CRIM1: variants seen among roughly 807,000 people sequenced by gnomAD.
The protein encoded by CRIM1 is cysteine rich transmembrane BMP regulator 1, also known as cysteine-rich motor neuron 1 protein.
A neutral mutation model predicts 116.4 loss-of-function variants in CRIM1; 32 were observed. That is an observed-to-expected ratio of 0.27 (90% confidence interval 0.21 to 0.37). The LOEUF is 0.37. Ranked by LOEUF, CRIM1 falls within the 10% of genes least tolerant of loss-of-function variation. The probability of loss-of-function intolerance (pLI) is 1.00; values close to 1 mark genes in which losing one functional copy is unlikely to be tolerated. For missense variants in CRIM1, 1,331 were observed against 1,354.8 expected (o/e 0.98, Z 0.28); for synonymous variants, 590 against 509.2 (o/e 1.16, Z -2.13).
chr2:36,426,015 G>A (rs1417136084), intron 2 of CRIM1, among the ~76,000 whole-genome samples: 1 of 152,210 alleles, frequency 6.6e-6, no homozygotes, highest in African/African-American at 2.4e-5. Flanking sequence ...CACATATGTA[G>A]GAAGTCATGA....
intron 7 of CRIM1, among the ~76,000 whole-genome samples, chr2:36,494,356 T>C (rs1001137218): frequency 2.0e-5 from 3 of 152,208 alleles, no homozygotes; most frequent in South Asian, 2.1e-4. Flanking sequence ...GAAATAATTT[T>C]ACTGACAAGA....
chr2:36,431,693 G>A (rs765647155), intron 2 of CRIM1, among the ~76,000 whole-genome samples: 1 of 152,082 alleles, frequency 6.6e-6, no homozygotes, highest in Admixed American at 6.6e-5. Context: ...AGCGTTTGTC[G>A]GTCTTCCTTG....
intron 8 of CRIM1, among the ~76,000 whole-genome samples, chr2:36,503,100 C>G (rs1214958364): frequency 3.3e-5 from 5 of 152,314 alleles, no homozygotes; most frequent in African/African-American, 9.6e-5. Flanking sequence ...TATTTGGCAA[C>G]TTTGGAAGCC....
chr2:36,425,538 A>G (rs1674384971), intron 2 of CRIM1, among the ~76,000 whole-genome samples: 1 of 152,232 alleles, frequency 6.6e-6, no homozygotes, highest in Non-Finnish European at 1.5e-5. Context: ...TCCAATATAG[A>G]ATCATTGTCT....
intron 13 of CRIM1, among the ~76,000 whole-genome samples, chr2:36,532,481 C>T (rs1666183934): frequency 6.6e-6 from 1 of 152,172 alleles, no homozygotes; most frequent in Non-Finnish European, 1.5e-5. Flanking sequence ...TTGGTTATCT[C>T]CACTCCTTGA....
chr2:36,390,972 G>T (rs1446719166), intron 1 of CRIM1, among the ~76,000 whole-genome samples: 1 of 151,604 alleles, frequency 6.6e-6, no homozygotes, highest in Non-Finnish European at 1.5e-5. Flanking sequence ...ACCATACCCG[G>T]CTAATTTTTG....
Position 36,416,784 on chromosome 2 carries a change from A to G in CRIM1, c.505+19997A>G, listed in dbSNP as rs1425597905. ...GACAGAAATTATTAGCCATATCCAG[A>G]CCAGTAGCTGACTGGCTCCAATTCT... On this transcript the variant is annotated intron_variant, in intron 2 of 16. Transcript: ENST00000280527. Among the ~76,000 whole-genome samples, 4 of 152,302 alleles carry G rather than the reference A, an allele frequency of 2.6e-5. No homozygotes were observed. In the East Asian group the frequency reaches 7.7e-4, roughly 29 times the overall value.
chr2:36,368,379 A>T (rs1022019139), intron 1 of CRIM1, among the ~76,000 whole-genome samples: 1 of 152,196 alleles, frequency 6.6e-6, no homozygotes, highest in Non-Finnish European at 1.5e-5. Context: ...TTCAAGTACA[A>T]GCCAACTGCG....
At position 36,473,497 on chromosome 2, in the gene CRIM1, A is replaced by T. The variant is rs1572820077; in HGVS notation, c.992-3392A>T. Among the ~76,000 whole-genome samples, 5 of 152,284 alleles carry T rather than the reference A, an allele frequency of 3.3e-5. No individual in the cohort carries two copies. The South Asian group carries it at 1.0e-3, about 32-fold the overall frequency. ...TCATCAAGCCATCAGAAAACTCCTG[A>T]ACTGATTGCAGTCACTGCCCATTTT... On this transcript the variant is annotated intron_variant, in intron 5 of 16. Transcript: ENST00000280527.
intron 4 of CRIM1, among the ~76,000 whole-genome samples, chr2:36,463,492 C>T (rs1336770364): frequency 1.3e-5 from 2 of 152,088 alleles, no homozygotes; most frequent in African/African-American, 4.8e-5. Flanking sequence ...AGGATGTCTT[C>T]CTTTTACTCC....
Position 36,549,651 on chromosome 2 carries a change from A to ATTCT in CRIM1, c.*953_*956dup, listed in dbSNP as rs1463567815. On this transcript the variant is annotated 3_prime_UTR_variant, in exon 17 of 17. Coordinates refer to ENST00000280527, the MANE Select transcript of CRIM1 (RefSeq NM_016441.3). ...CTTTTTTTAAAAAGACTGTTTGGGG[A>ATTCT]TTCTTTTTCCTTATTATATACTGAT... 1 of 152,240 alleles carries ATTCT rather than the reference A, an allele frequency of 6.6e-6. No homozygotes were observed. The highest frequency in any genetic ancestry group is 1.9e-4 in the East Asian group (1 of 5,186). 9.4% of individuals were successfully genotyped at this position (152,240 alleles called of 1,614,324 possible).
chr2:36,539,661 G>A (rs776807864), intron 14 of CRIM1, among the ~76,000 whole-genome samples: 1 of 152,164 alleles, frequency 6.6e-6, no homozygotes, highest in Admixed American at 6.5e-5. Flanking sequence ...GGTGGTAGCC[G>A]TGGAGGTGGG....
chr2:36,526,363 G>A (rs1272964457), intron 13 of CRIM1, among the ~76,000 whole-genome samples: 2 of 152,170 alleles, frequency 1.3e-5, no homozygotes, highest in Non-Finnish European at 1.5e-5. Context: ...TTCATATGTG[G>A]TTCCTTGTAA....
At chr2:36,546,244 G>T (rs1045962945) in intron 15 of CRIM1, among the ~76,000 whole-genome samples, 6 of 152,118 alleles carry the variant, frequency 3.9e-5, no homozygotes, top group African/African-American at 1.4e-4. Flanking sequence ...AAACTTTAGG[G>T]AGTGCCCCCT....
intron 4 of CRIM1, among the ~76,000 whole-genome samples, chr2:36,449,325 G>A (rs1483472015): frequency 6.6e-6 from 1 of 152,106 alleles, no homozygotes; most frequent in Admixed American, 6.5e-5. Context: ...ACTTACCACT[G>A]AGCTGCACTG....
At chr2:36,486,577 C>T (rs569855683) in intron 7 of CRIM1, among the ~76,000 whole-genome samples, 82 of 152,286 alleles carry the variant, frequency 5.4e-4, no homozygotes, top group Non-Finnish European at 1.1e-3. Flanking sequence ...CCTGAGTTTA[C>T]AGAGCTCAGC....
At chr2:36,500,489 T>A (rs1680908275) in intron 8 of CRIM1, among the ~76,000 whole-genome samples, 1 of 152,212 alleles carries the variant, frequency 6.6e-6, no homozygotes, top group Non-Finnish European at 1.5e-5. Context: ...GTTAGGTGGT[T>A]CTCATCTGTT....
Position 36,356,299 on chromosome 2 carries a change from T to G in CRIM1, c.7T>G (p.Leu3Val), listed in dbSNP as rs1668788483. 6.5e-7 allele frequency: 1 copy of G among 1,526,914 alleles called. No homozygotes were observed. Among genetic ancestry groups the G allele is most frequent in the African/African-American group, 1.4e-5 (1 of 71,630 alleles). 94.6% of individuals were successfully genotyped at this position (1,526,914 alleles called of 1,614,324 possible). A position where few individuals can be genotyped will look rare whatever the true frequency, so the allele number is the denominator to read the frequency against. The change falls in exon 1 of 17, where the codon TTG becomes GTG. Residue 3 changes from leucine to valine, a missense_variant. Physicochemically the swap from Leu to Val is conservative, Grantham distance 32. Around this residue, in one of 3 missense-constraint regions of CRIM1, gnomAD observed 690 missense variants for 676.0 expected, o/e 1.02. Coordinates refer to ENST00000280527, the MANE Select transcript of CRIM1 (RefSeq NM_016441.3). The surrounding 1 kb of genome is among the most constrained non-coding windows in gnomAD (Gnocchi z 4.3). ...GCGGCGGCGGCGCAGGAGGATGTAC[T>G]TGGTGGCGGGGGACAGGGGGTTGGC... MY[L>V]VAGDRGLAGC... is the part of the protein sequence containing the mutation.
rs142237085 is a variant in CRIM1, at chr2:36,528,202, T to TA, written c.2428+5892dup. 2.4e-3 allele frequency among the ~76,000 whole-genome samples: 365 copies of TA among 152,360 alleles called. 2 individuals are homozygous for TA. Among genetic ancestry groups the TA allele is most frequent in the African/African-American group, 8.5e-3 (352 of 41,594 alleles). On this transcript the variant is annotated intron_variant, in intron 13 of 16. Transcript: ENST00000280527. ...CAAATAGATTCTAGTGTCTCACTGTTAAATGTAGCGTCTGGCTTTCTACAA... is the reference window on the plus strand; with the variant it reads ...CAAATAGATTCTAGTGTCTCACTGTTAAAATGTAGCGTCTGGCTTTCTACAA...
Sources: allele counts gnomAD v4.1 joint callset (sites outside exome capture counted in the v4.1 genomes callset), GRCh38; gene constraint gnomAD v4.1.1; regional missense constraint gnomAD v4.1.1; non-coding constraint Gnocchi (gnomAD v3.1); transcripts MANE v1.5; gene names NCBI Gene and HGNC (gene_info 2026-07-23, HGNC 2026-07-21).